CABIN1: variants seen among roughly 807,000 people sequenced by gnomAD.
The protein encoded by CABIN1 is calcineurin binding protein 1, also known as calcineurin-binding protein cabin-1.
A neutral mutation model predicts 227.7 loss-of-function variants in CABIN1; 133 were observed. The observed-to-expected ratio is 0.58, with a 90% confidence interval of 0.51 to 0.67. The LOEUF (loss-of-function observed/expected upper bound fraction) is 0.67, where lower values mean the gene tolerates loss of function less well. Ranked by LOEUF, CABIN1 falls within the 30% of genes least tolerant of loss-of-function variation. The pLI, the probability that CABIN1 is intolerant of heterozygous loss-of-function variation, is 0.00. For synonymous variants in CABIN1, 1,086 were observed against 1,155.1 expected (o/e 0.94, Z 1.21); for missense variants, 2,408 against 2,852.5 (o/e 0.84, Z 3.55).
intron 28 of CABIN1, among the ~76,000 whole-genome samples, chr22:24,129,970 C>T (rs2043976181): frequency 6.6e-6 from 1 of 152,220 alleles, no homozygotes; most frequent in Non-Finnish European, 1.5e-5. Flanking sequence ...GTTAGATGTC[C>T]CCTCTGCCTT....
intron 19 of CABIN1, among the ~76,000 whole-genome samples, chr22:24,082,607 A>G (rs2040880490): frequency 6.6e-6 from 1 of 152,216 alleles, no homozygotes; most frequent in Non-Finnish European, 1.5e-5. Flanking sequence ...AATCTCATGA[A>G]TGCTTGAAAA....
intron 28 of CABIN1, among the ~76,000 whole-genome samples, chr22:24,128,935 C>T (rs887772544): frequency 5.9e-5 from 9 of 152,316 alleles, no homozygotes; most frequent in South Asian, 2.1e-4. Context: ...CTTGTGGATT[C>T]GTGAGGCAGG....
At chr22:24,056,490 C>A in intron 10 of CABIN1, 130 bp downstream of exon 10, 1 of 930,170 alleles carries the variant, frequency 1.1e-6, no homozygotes, top group Non-Finnish European at 1.7e-6. Context: ...AACATCTGTG[C>A]AGATGTCTGA....
At position 24,067,016 on chromosome 22, in the gene CABIN1, G is replaced by T; in HGVS notation, c.2067G>T (p.Arg689=). The T allele has an allele frequency of 6.2e-7, 1 of 1,614,260 alleles. No homozygotes were observed. Among genetic ancestry groups the T allele is most frequent in the Non-Finnish European group, 8.5e-7 (1 of 1,180,042 alleles). ...ATAAGAACCTGAAGTCGCTGGAGCG[G>T]TGCCAGTCCCTGGAGGAGATTCAGC... ...EIDKNLKSLE[R]CQSLEEIQRL... Residue 689 remains arginine (R), a synonymous_variant, in exon 16 of 37, where the codon CGG becomes CGT. Coordinates refer to ENST00000263119, the MANE Select transcript of CABIN1 (RefSeq NM_012295.4).
At chr22:24,064,512 G>GTTTTT (rs782268156) in intron 15 of CABIN1, among the ~76,000 whole-genome samples, 1,683 of 106,628 alleles carry the variant, frequency 0.016, 18 homozygotes, top group Non-Finnish European at 0.021. Flanking sequence ...CAGCTGAAAG[G>GTTTTT]TTTTTTTTTT....
At chr22:24,068,968 CAA>C (rs1304997227) in intron 16 of CABIN1, among the ~76,000 whole-genome samples, 3 of 152,220 alleles carry the variant, frequency 2.0e-5, no homozygotes, top group Non-Finnish European at 4.4e-5. Context: ...GGGGGGCAGA[CAA>C]GAGACCCATC....
intron 19 of CABIN1, among the ~76,000 whole-genome samples, chr22:24,077,635 C>G (rs991985179): frequency 3.3e-5 from 5 of 152,162 alleles, no homozygotes; most frequent in African/African-American, 9.7e-5. Context: ...AAGAGTTTTG[C>G]CAGGCTGAGT....
intron 1 of CABIN1, 48 bp downstream of exon 1, chr22:24,011,415 A>C (rs753759013): frequency 6.5e-6 from 1 of 152,818 alleles, no homozygotes; most frequent in Non-Finnish European, 1.5e-5. Context: ...GGTGGGGGTG[A>C]GGCTCAGCAG....
chr22:24,034,698 G>A (rs368863547), intron 1 of CABIN1, among the ~76,000 whole-genome samples: 1 of 152,270 alleles, frequency 6.6e-6, no homozygotes, highest in African/African-American at 2.4e-5. Flanking sequence ...TTCCGCAAGG[G>A]TTGCACCAGT....
At chr22:24,128,100 T>C (rs2043845267) in intron 28 of CABIN1, among the ~76,000 whole-genome samples, 1 of 152,112 alleles carries the variant, frequency 6.6e-6, no homozygotes. Context: ...TTGAGAACTA[T>C]TGCCATGAGT....
At chr22:24,098,320 T>C (rs1318326955) in intron 26 of CABIN1, 128 bp downstream of exon 26, 9 of 1,550,000 alleles carry the variant, frequency 5.8e-6, no homozygotes, top group Non-Finnish European at 7.9e-6. Flanking sequence ...ACACGGGCAA[T>C]GTTGCGGCTG....
chr22:24,049,256 C>A, intron 7 of CABIN1, 36 bp downstream of exon 7: 8 of 1,608,512 alleles, frequency 5.0e-6, no homozygotes, highest in Non-Finnish European at 6.8e-6. Context: ...TGTGTGCACG[C>A]TTACTGTGTG....
In CABIN1 at chr22:24,165,715, A is replaced by G. The variant is rs117769890; in HGVS notation, c.5007+89A>G. 1,820 of 1,060,866 alleles carry G rather than the reference A, an allele frequency of 1.7e-3. 28 individuals are homozygous for G. The East Asian group carries it at 0.032, about 19-fold the overall frequency. The allele number at this position is 1,060,866 out of a possible 1,614,324, so 65.7% of individuals were successfully genotyped here. ...TGGTGGGCCCGATCCCTCTATTTGC[A>G]TACCCTTAGGCAGGATGTGCCTAAG... On this transcript the variant is annotated intron_variant, in intron 31 of 36. Coordinates refer to ENST00000263119, the MANE Select transcript of CABIN1 (RefSeq NM_012295.4).
rs1026452922 is a variant in CABIN1 at position 24,170,753 on chromosome 22, C to T, written c.5758-960C>T. The stretch of plus-strand genomic sequence containing the variant: ...CAGGGTCATCGGTGGTAGCAAACTG[C>T]CCCCCCCCCCGCCCCCATGCACTGA... On this transcript the variant is annotated intron_variant, in intron 33 of 36. Transcript: ENST00000263119. Among the ~76,000 whole-genome samples, 22 of 83,518 alleles carry T rather than the reference C, an allele frequency of 2.6e-4. 1 individual carries two copies. Among genetic ancestry groups the T allele is most frequent in the African/African-American group, 1.4e-3 (21 of 15,066 alleles). The allele number at this position is 83,518 out of a possible 152,430, so 54.8% of individuals were successfully genotyped here.
At chr22:24,045,101 T>A (rs2037749120) in intron 6 of CABIN1, among the ~76,000 whole-genome samples, 1 of 152,168 alleles carries the variant, frequency 6.6e-6, no homozygotes, top group South Asian at 2.1e-4. Flanking sequence ...TTGTTTTTTA[T>A]TTTTAGTAGA....
chr22:24,024,616 TTCTC>T (rs1157723036), intron 1 of CABIN1, among the ~76,000 whole-genome samples: 3 of 152,172 alleles, frequency 2.0e-5, no homozygotes, highest in Non-Finnish European at 2.9e-5. Context: ...TTCTACCCCT[TTCTC>T]TCTTCTCCCT....
At chr22:24,067,644 A>G (rs778741426) in intron 16 of CABIN1, among the ~76,000 whole-genome samples, 6 of 152,214 alleles carry the variant, frequency 3.9e-5, no homozygotes, top group Non-Finnish European at 7.3e-5. Context: ...GCCCTCCTGA[A>G]TCCTTCTGTG....
chr22:24,060,858 C>G (rs2039138416), intron 12 of CABIN1, among the ~76,000 whole-genome samples: 1 of 152,092 alleles, frequency 6.6e-6, no homozygotes, highest in Non-Finnish European at 1.5e-5. Context: ...CGAGATGGCG[C>G]CACCGCACTC....
chr22:24,048,346 C>T (rs574641179), intron 6 of CABIN1, among the ~76,000 whole-genome samples: 2 of 152,300 alleles, frequency 1.3e-5, no homozygotes, highest in Admixed American at 1.3e-4. Context: ...TATGTAGTGG[C>T]TGCTTGGCAA....
Sources: gnomAD v4.1 joint callset for allele counts (sites outside exome capture counted in the v4.1 genomes callset) on GRCh38, gnomAD v4.1.1 for gene constraint, MANE v1.5 for transcripts, NCBI Gene and HGNC (gene_info 2026-07-23, HGNC 2026-07-21) for gene names.